DYDC1: variants seen among roughly 807,000 people sequenced by gnomAD.
The protein encoded by DYDC1 is DPY30 domain-containing protein 1.
DYDC1 carries 21 observed loss-of-function variants against 27.9 expected under a neutral mutation model. That is an observed-to-expected ratio of 0.75 (90% CI 0.53 to 1.08). DYDC1 has a LOEUF of 1.08. Ranked by LOEUF, DYDC1 falls within the 50% of genes least tolerant of loss-of-function variation. The probability of loss-of-function intolerance (pLI) is 0.00; values close to 1 mark genes in which losing one functional copy is unlikely to be tolerated. For missense variants in DYDC1, 202 were observed against 205.9 expected (o/e 0.98, Z 0.12); for synonymous variants, 67 against 65.8 (o/e 1.02, Z -0.09).
In DYDC1 at chr10:80,337,363, G is replaced by C. The variant is rs72815327; in HGVS notation, c.504+1104C>G. The stretch of plus-strand genomic sequence containing the variant: ...CCTTTAATAAAACTTTAAACAATTA[G>C]CACTGAGTCTGTGCAGCTCCATTTT... On this transcript the variant is annotated intron_variant, in intron 6 of 6. Coordinates refer to ENST00000372202, the MANE Select transcript of DYDC1 (RefSeq NM_001269053.2). 2,599 of 985,408 alleles carry C rather than the reference G, an allele frequency of 2.6e-3. 5 individuals carry two copies. The highest frequency in any genetic ancestry group is 2.9e-3 in the Non-Finnish European group (2,441 of 829,932). The allele number at this position is 985,408 out of a possible 1,614,324, so 61.0% of individuals were successfully genotyped here. A position where few individuals can be genotyped will look rare whatever the true frequency, so the allele number is the denominator to read the frequency against.
At chr10:80,355,292 A>T (rs1843295216) in intron 1 of DYDC1, among the ~76,000 whole-genome samples, 1 of 151,512 alleles carries the variant, frequency 6.6e-6, no homozygotes, top group South Asian at 2.1e-4. Flanking sequence ...TCCGTCCATA[A>T]CCCCCAATTT....
At chr10:80,338,964 G>T in intron 5 of DYDC1, 133 bp downstream of exon 5, 1 of 509,044 alleles carries the variant, frequency 2.0e-6, no homozygotes, top group South Asian at 3.3e-5. Context: ...GTTATCACCG[G>T]AAAATATACA....
At chr10:80,337,151 C>T (rs1842157989) in intron 6 of DYDC1, 1 of 985,340 alleles carries the variant, frequency 1.0e-6, no homozygotes, top group African/African-American at 1.7e-5. Flanking sequence ...TTCCTCTGGG[C>T]TCATCTCAGG....
At chr10:80,345,374 C>T (rs1179562394) in intron 3 of DYDC1, among the ~76,000 whole-genome samples, 4 of 152,006 alleles carry the variant, frequency 2.6e-5, no homozygotes, top group Non-Finnish European at 5.9e-5. Context: ...GAATGCTTAC[C>T]ACAGGTAAGC....
At chr10:80,347,295 T>C (rs1480895799) in intron 3 of DYDC1, among the ~76,000 whole-genome samples, 1 of 143,138 alleles carries the variant, frequency 7.0e-6, no homozygotes, top group Non-Finnish European at 1.5e-5. Context: ...TTTTTTTTTT[T>C]TTTTTTTTTT....
chr10:80,352,187 T>A (rs753647822), intron 2 of DYDC1, among the ~76,000 whole-genome samples, 185 bp from the exon 3 acceptor site: 8 of 152,208 alleles, frequency 5.3e-5, no homozygotes. Flanking sequence ...AATATTAAAG[T>A]TATACATTGT....
intron 1 of DYDC1, chr10:80,354,443 G>GCCA (rs1243652211): frequency 7.0e-6 from 1 of 143,344 alleles, no homozygotes; most frequent in Non-Finnish European, 1.5e-5. Context: ...CTGAGATTGT[G>GCCA]CCATTGCACT....
chr10:80,336,106 T>C lies in DYDC1; in HGVS notation c.*50A>G. 1 of 1,266,734 alleles carries C rather than the reference T, an allele frequency of 7.9e-7. No individual in the cohort carries two copies. 78.5% of individuals were successfully genotyped at this position (1,266,734 alleles called of 1,614,324 possible). On this transcript the variant is annotated 3_prime_UTR_variant, in exon 7 of 7. Coordinates refer to ENST00000372202, the MANE Select transcript of DYDC1 (RefSeq NM_001269053.2). ...AAATACAAATTGGGAACCTCATGGT[T>C]TGAAATTTGAAACAAACAAAAACAT... is the stretch of plus-strand genomic sequence containing the variant.
At chr10:80,345,073 G>T (rs1298559048) in intron 3 of DYDC1, among the ~76,000 whole-genome samples, 1 of 151,966 alleles carries the variant, frequency 6.6e-6, no homozygotes, top group African/African-American at 2.4e-5. Flanking sequence ...AGTGTTTAAA[G>T]CCGGGAAGTG....
intron 6 of DYDC1, chr10:80,337,488 T>C: frequency 1.0e-6 from 1 of 966,312 alleles, no homozygotes; most frequent in Non-Finnish European, 1.2e-6. Flanking sequence ...CTTCTCCATT[T>C]TCTTCCCCAC....
Position 80,336,145 on chromosome 10 carries a change from G to C in DYDC1, c.*11C>G. 7.0e-7 allele frequency: 1 copy of C among 1,436,936 alleles called. No individual in the cohort carries two copies. Among genetic ancestry groups the C allele is most frequent in the South Asian group, 1.2e-5 (1 of 81,370 alleles). 89.0% of individuals were successfully genotyped at this position (1,436,936 alleles called of 1,614,324 possible). A position where few individuals can be genotyped will look rare whatever the true frequency, so the allele number is the denominator to read the frequency against. The stretch of plus-strand genomic sequence containing the variant: ...AAACAAAAACATTTATTGCTCTTAG[G>C]TTGGTTGGTCCTACAAATCTTGATC... On this transcript the variant is annotated 3_prime_UTR_variant, in exon 7 of 7. Coordinates refer to ENST00000372202, the MANE Select transcript of DYDC1 (RefSeq NM_001269053.2).
chr10:80,350,400 A>G (rs867491914), intron 3 of DYDC1, among the ~76,000 whole-genome samples: 9 of 152,230 alleles, frequency 5.9e-5, no homozygotes, highest in Admixed American at 2.0e-4. Context: ...AGGAACAGAT[A>G]CCAGCTATAG....
intron 3 of DYDC1, chr10:80,344,772 C>T (rs377301024): frequency 2.2e-4 from 70 of 316,696 alleles, no homozygotes; most frequent in South Asian, 8.8e-5. Flanking sequence ...AAGTGCCTTT[C>T]GCCTCCCACC....
chr10:80,337,811 C>T (rs189398959), intron 6 of DYDC1, among the ~76,000 whole-genome samples: 3 of 152,296 alleles, frequency 2.0e-5, no homozygotes, highest in East Asian at 1.9e-4. Flanking sequence ...CCCCCTTGTC[C>T]GTGTACACCA....
intron 3 of DYDC1, among the ~76,000 whole-genome samples, chr10:80,347,305 T>TTTTTTTTTTTTTTTTTTTTTTTTTTG (rs1360993618): frequency 9.5e-6 from 1 of 105,568 alleles, no homozygotes; most frequent in Non-Finnish European, 1.8e-5. Flanking sequence ...TTTTTTTTTT[T>TTTTTTTTTTTTTTTTTTTTTTTTTTG]GCTATTGAGT....
intron 4 of DYDC1, among the ~76,000 whole-genome samples, chr10:80,341,612 T>G (rs1276020598): frequency 2.6e-5 from 4 of 151,988 alleles, no homozygotes; most frequent in Non-Finnish European, 4.4e-5. Context: ...ATATTCAACA[T>G]CAGCTACTGT....
chr10:80,356,156 C>A, intron 1 of DYDC1: 1 of 809,630 alleles, frequency 1.2e-6, no homozygotes, highest in Non-Finnish European at 1.5e-6. Flanking sequence ...CAGTGGGACC[C>A]AGGCAAGGCC....
chr10:80,336,617 C>T (rs987509926), intron 6 of DYDC1, among the ~76,000 whole-genome samples: 1 of 152,250 alleles, frequency 6.6e-6, no homozygotes, highest in Non-Finnish European at 1.5e-5. Context: ...CTGTTCTTGG[C>T]TGTTTTCACC....
chr10:80,355,375 T>C (rs1043549093), intron 1 of DYDC1, among the ~76,000 whole-genome samples: 3 of 152,020 alleles, frequency 2.0e-5, no homozygotes, highest in Non-Finnish European at 4.4e-5. Context: ...ATATGCCATA[T>C]GACAGTGGTG....
Sources: allele counts gnomAD v4.1 joint callset (sites outside exome capture counted in the v4.1 genomes callset), GRCh38; gene constraint gnomAD v4.1.1; transcripts MANE v1.5; gene names NCBI Gene and HGNC (gene_info 2026-07-23, HGNC 2026-07-21).